Variants in HLCS observed in about 807,000 individuals in gnomAD.
HLCS encodes the protein biotin--protein ligase.
A neutral mutation model predicts 75.0 loss-of-function variants in HLCS; 53 were observed. The observed-to-expected ratio is 0.71, with a 90% CI of 0.57 to 0.89. HLCS has a LOEUF of 0.89. Ranked by LOEUF, HLCS falls within the 40% of genes least tolerant of loss-of-function variation. The pLI, the probability that HLCS is intolerant of heterozygous loss-of-function variation, is 0.00. For synonymous variants in HLCS, 431 were observed against 428.6 expected (o/e 1.01, Z -0.07); for missense variants, 966 against 1,074.0 (o/e 0.90, Z 1.41).
chr21:36,857,377 G>C (rs1050912237), intron 6 of HLCS, among the ~76,000 whole-genome samples: 1 of 152,180 alleles, frequency 6.6e-6, no homozygotes, highest in African/African-American at 2.4e-5. Context: ...AGGCAGGAGT[G>C]GGGTAGGAGA....
rs183170391 is a variant in HLCS, at chr21:36,836,792, T to C, written c.1892+60068A>G. Among the ~76,000 whole-genome samples the C allele has an allele frequency of 2.5e-3, 380 of 152,236 alleles. 1 individual carries two copies. The highest frequency in any genetic ancestry group is 8.9e-3 in the African/African-American group (369 of 41,552). On this transcript the variant is annotated intron_variant, in intron 6 of 10. Coordinates refer to ENST00000674895, the MANE Select transcript of HLCS (RefSeq NM_001352514.2). ...TCACCATCACTGCTCATCAGGGAATTTTTTTTAAGGCGGTAAGTGTCAAGG... is the reference window on the plus strand; with the variant it reads ...TCACCATCACTGCTCATCAGGGAATCTTTTTTAAGGCGGTAAGTGTCAAGG...
chr21:36,895,746 A>T (rs1012557422), intron 6 of HLCS, among the ~76,000 whole-genome samples: 3 of 152,206 alleles, frequency 2.0e-5, no homozygotes, highest in Non-Finnish European at 4.4e-5. Flanking sequence ...TGAATTATAC[A>T]TCTGTCTAAT....
At chr21:36,844,934 C>T (rs2062744035) in intron 6 of HLCS, among the ~76,000 whole-genome samples, 1 of 152,114 alleles carries the variant, frequency 6.6e-6, no homozygotes, top group African/African-American at 2.4e-5. Context: ...CAAACATCTG[C>T]TTACAATTTT....
chr21:36,978,105 T>C (rs1254989041), intron 1 of HLCS, among the ~76,000 whole-genome samples: 2 of 152,226 alleles, frequency 1.3e-5, no homozygotes, highest in African/African-American at 4.8e-5. Context: ...GAAGTGCTCC[T>C]TCAGGTTAAG....
intron 5 of HLCS, among the ~76,000 whole-genome samples, chr21:36,916,847 C>T (rs549670093): frequency 1.3e-5 from 2 of 152,238 alleles, no homozygotes; most frequent in Admixed American, 6.5e-5. Context: ...AAATACTCCC[C>T]GGGCCAAGTA....
At chr21:36,881,516 G>A (rs144206483) in intron 6 of HLCS, among the ~76,000 whole-genome samples, 235 of 152,324 alleles carry the variant, frequency 1.5e-3, no homozygotes, top group African/African-American at 5.4e-3. Flanking sequence ...GACAGCTGTC[G>A]GGGGATGCAT....
In HLCS at chr21:36,835,642, C is replaced by T. The variant is rs150038386; in HGVS notation, c.1892+61218G>A. 4.6e-3 allele frequency among the ~76,000 whole-genome samples: 700 copies of T among 152,256 alleles called. 4 individuals are homozygous for T. Among genetic ancestry groups the T allele is most frequent in the Admixed American group, 8.4e-3 (129 of 15,294 alleles). Reference sequence around the variant, plus strand: ...GCCACACCCAGCCTCCCTGCTCTCCCGAGTTTATGGCCCTGGGCACCTCTC... The same window carrying T: ...GCCACACCCAGCCTCCCTGCTCTCCTGAGTTTATGGCCCTGGGCACCTCTC... On this transcript the variant is annotated intron_variant, in intron 6 of 10. Coordinates refer to ENST00000674895, the MANE Select transcript of HLCS (RefSeq NM_001352514.2).
At chr21:36,770,215 C>T (rs12627215) in intron 6 of HLCS, among the ~76,000 whole-genome samples, 2 of 143,568 alleles carry the variant, frequency 1.4e-5, no homozygotes, top group Admixed American at 7.2e-5. Context: ...GCATGAATCT[C>T]GGGTCACTGC....
At chr21:36,963,784 T>C (rs182620076) in intron 1 of HLCS, among the ~76,000 whole-genome samples, 2 of 152,310 alleles carry the variant, frequency 1.3e-5, no homozygotes, top group African/African-American at 2.4e-5. Flanking sequence ...TATCCAAGCA[T>C]AGAATGTGTA....
At chr21:36,953,512 G>A (rs1009216773) in intron 2 of HLCS, among the ~76,000 whole-genome samples, 1 of 152,162 alleles carries the variant, frequency 6.6e-6, no homozygotes, top group Non-Finnish European at 1.5e-5. Flanking sequence ...CTTCTAGCTT[G>A]TTTGAGCCCC....
At chr21:36,772,790 C>T (rs1462186719) in intron 6 of HLCS, among the ~76,000 whole-genome samples, 1 of 152,064 alleles carries the variant, frequency 6.6e-6, no homozygotes, top group Non-Finnish European at 1.5e-5. Context: ...CGAGACCATC[C>T]TGGCCAACAG....
chr21:36,904,713 AC>A (rs2065378882), intron 5 of HLCS, among the ~76,000 whole-genome samples: 1 of 152,256 alleles, frequency 6.6e-6, no homozygotes, highest in African/African-American at 2.4e-5. Context: ...TACCAAAATT[AC>A]TATCTGTTTG....
chr21:36,953,693 T>TATTAGG (rs1295867039), intron 2 of HLCS, among the ~76,000 whole-genome samples: 1 of 152,192 alleles, frequency 6.6e-6, no homozygotes, highest in African/African-American at 2.4e-5. Flanking sequence ...AACCTGAACA[T>TATTAGG]ATTTGATATT....
rs2066592955 is a variant in HLCS at position 36,930,502 on chromosome 21, T to C, written c.1438-69A>G. ...GGCAATGAGAAAAACAGTTTCTTTT[T>C]TCTTTTTCTTTTTTTTTTTAAATTT... is the stretch of plus-strand genomic sequence containing the variant. On this transcript the variant is annotated intron_variant, in intron 4 of 10. Transcript: ENST00000674895. The C allele has an allele frequency of 2.3e-6, 3 of 1,328,184 alleles. No individual in the cohort carries two copies. In the Admixed American group the frequency reaches 6.0e-5, roughly 27 times the overall value. 82.3% of individuals were successfully genotyped at this position (1,328,184 alleles called of 1,614,324 possible). A position where few individuals can be genotyped will look rare whatever the true frequency, so the allele number is the denominator to read the frequency against.
intron 1 of HLCS, among the ~76,000 whole-genome samples, chr21:36,963,606 G>A (rs1282252258): frequency 6.6e-6 from 1 of 151,974 alleles, no homozygotes; most frequent in East Asian, 1.9e-4. Flanking sequence ...TACAAAATTA[G>A]CCGGGCATGG....
chr21:36,805,595 CA>C (rs975701436), intron 6 of HLCS, among the ~76,000 whole-genome samples: 2 of 152,216 alleles, frequency 1.3e-5, no homozygotes, highest in Non-Finnish European at 2.9e-5. Flanking sequence ...TGAGTGCAGA[CA>C]GGGGCCCAGC....
intron 6 of HLCS, among the ~76,000 whole-genome samples, chr21:36,864,856 T>C (rs118015430): frequency 0.037 from 5,649 of 152,292 alleles, 153 homozygotes; most frequent in Non-Finnish European, 0.055. Flanking sequence ...ACCTTGTCCA[T>C]ATACCTAAGT....
chr21:36,979,978 A>G (rs2069064073), intron 1 of HLCS, among the ~76,000 whole-genome samples: 2 of 140,078 alleles, frequency 1.4e-5, no homozygotes, highest in Admixed American at 7.9e-5. Flanking sequence ...GTGAGCCGCA[A>G]TCACGCCACT....
At chr21:36,890,570 G>T (rs1429649938) in intron 6 of HLCS, among the ~76,000 whole-genome samples, 2 of 152,016 alleles carry the variant, frequency 1.3e-5, no homozygotes, top group Non-Finnish European at 2.9e-5. Context: ...AAATTTGTGG[G>T]GTGGAGACAC....
Sources: allele counts gnomAD v4.1 joint callset (sites outside exome capture counted in the v4.1 genomes callset), GRCh38; gene constraint gnomAD v4.1.1; transcripts MANE v1.5; gene names NCBI Gene and HGNC (gene_info 2026-07-23, HGNC 2026-07-21).